Variants in RYR1 observed in about 807,000 individuals in gnomAD.
The protein encoded by RYR1 is central core disease of muscle.
In RYR1, 342 loss-of-function variants were observed where a neutral mutation model predicts 583.5. The ratio of observed to expected loss-of-function variants is 0.59; its 90% CI spans 0.54 to 0.64. The LOEUF is 0.64. RYR1 is among the 30% of genes least tolerant of loss of function. The pLI is 0.00. For synonymous variants in RYR1, 2,791 were observed against 2,822.5 expected (o/e 0.99, Z 0.35); for missense variants, 6,032 against 6,917.2 (o/e 0.87, Z 4.54).
intron 71 of RYR1, among the ~76,000 whole-genome samples, chr19:38,526,704 T>C (rs1445693966): frequency 6.6e-6 from 1 of 151,824 alleles, no homozygotes. Flanking sequence ...TCTTTGGCCA[T>C]ATTTGACCTT....
chr19:38,483,858 C>T lies in RYR1; in HGVS notation c.4934+342C>T, dbSNP rs1969142015. Among the ~76,000 whole-genome samples, 1 of 151,948 alleles carries T rather than the reference C, an allele frequency of 6.6e-6. No homozygotes were observed. The highest frequency in any genetic ancestry group is 6.6e-5 in the Admixed American group (1 of 15,256). On this transcript the variant is annotated intron_variant, in intron 33 of 105. Coordinates refer to ENST00000359596, the MANE Select transcript of RYR1 (RefSeq NM_000540.3). This position sits in a 1 kb window ranked among gnomAD's most constrained non-coding sequence, Gnocchi z 6.3. The stretch of plus-strand genomic sequence containing the variant: ...TCAACACCCCAGGGGGCCCCAAGTA[C>T]ACCCCAGGATCCCTGGACATGATTC...
chr19:38,562,063 C>T (rs1287353217), intron 90 of RYR1, among the ~76,000 whole-genome samples: 3 of 152,240 alleles, frequency 2.0e-5, no homozygotes, highest in African/African-American at 7.2e-5. Flanking sequence ...ACCTCTTGCA[C>T]ACACACCCTG....
At chr19:38,550,192 C>T (rs1165619472) in intron 89 of RYR1, among the ~76,000 whole-genome samples, 2 of 152,140 alleles carry the variant, frequency 1.3e-5, no homozygotes, top group African/African-American at 4.8e-5. Flanking sequence ...AGACCTTATT[C>T]AGTTTCCCTT....
chr19:38,495,944 G>A (rs879301471), intron 39 of RYR1, among the ~76,000 whole-genome samples: 6 of 152,128 alleles, frequency 3.9e-5, no homozygotes, highest in African/African-American at 7.2e-5. Flanking sequence ...TGTATTTTTA[G>A]TAGAAATGGG....
In RYR1 at chr19:38,502,726, A is replaced by C. The variant is rs1242518055; in HGVS notation, c.7834A>C (p.Arg2612=). ...CGAGGACTGCCTCATGTCGCTCTGC[A>C]GGTGGAGCGGGGCAGGCTTCAGGGT... ...VIEDCLMSLC[R]YIRPSMLQHL... The change falls in exon 48 of 106, where the codon AGG becomes CGG. Residue 2612 remains arginine, a splice_region_variant and synonymous_variant. Coordinates refer to ENST00000359596, the MANE Select transcript of RYR1 (RefSeq NM_000540.3). The C allele has an allele frequency of 4.0e-6, 5 of 1,234,994 alleles. No homozygotes were observed. Among genetic ancestry groups the C allele is most frequent in the Non-Finnish European group, 5.4e-6 (5 of 923,814 alleles). The allele number at this position is 1,234,994 out of a possible 1,614,324, so 76.5% of individuals were successfully genotyped here.
chr19:38,459,374 GA>G, intron 19 of RYR1, 36 bp downstream of exon 19: 1 of 1,600,460 alleles, frequency 6.2e-7, no homozygotes. Flanking sequence ...CCAGTCCTCA[GA>G]CCTAGGACTG....
chr19:38,576,549 C>T (rs1298034579), intron 97 of RYR1, among the ~76,000 whole-genome samples: 2 of 152,180 alleles, frequency 1.3e-5, no homozygotes, highest in African/African-American at 4.8e-5. Flanking sequence ...CAGTGGCACA[C>T]GCCTGTAATC....
chr19:38,489,640 G>GT (rs772903251), intron 35 of RYR1, among the ~76,000 whole-genome samples, 197 bp downstream of exon 35: 11 of 152,092 alleles, frequency 7.2e-5, no homozygotes, highest in South Asian at 4.1e-4. Flanking sequence ...TTTTTTGTTT[G>GT]TTTTTTGCGA....
chr19:38,580,382 G>T lies in RYR1; in HGVS notation c.14524G>T (p.Val4842Leu). The change falls in exon 101 of 106, where the codon GTG (valine) becomes TTG (leucine). Residue 4842 changes from valine to leucine, a missense_variant. Val to Leu is a conservative substitution (Grantham distance 32, BLOSUM62 1). Coordinates refer to ENST00000359596, the MANE Select transcript of RYR1 (RefSeq NM_000540.3). The part of the protein sequence containing the change: ...THNGKQLVMT[V>L]GLLAVVVYLY... ...ATCCTGCCCCCAGCTGGTGATGACC[G>T]TGGGCCTTCTGGCGGTGGTCGTCTA... 6.2e-7 allele frequency: 1 copy of T among 1,614,090 alleles called. No homozygotes were observed. The highest frequency in any genetic ancestry group is 8.5e-7 in the Non-Finnish European group (1 of 1,180,020).
intron 89 of RYR1, among the ~76,000 whole-genome samples, chr19:38,560,250 C>A (rs905337462): frequency 1.3e-5 from 2 of 152,104 alleles, no homozygotes; most frequent in African/African-American, 4.8e-5. Context: ...GTAGTCCTAG[C>A]TACTCAGGAG....
chr19:38,575,825 CAG>C, intron 96 of RYR1, 92 bp from the exon 97 acceptor site: 2 of 1,326,032 alleles, frequency 1.5e-6, no homozygotes, highest in East Asian at 2.3e-5. Context: ...AAAAGAAAAA[CAG>C]TGGAGTTTCA....
At chr19:38,449,611 G>A (rs1600659461) in intron 11 of RYR1, among the ~76,000 whole-genome samples, 1 of 152,222 alleles carries the variant, frequency 6.6e-6, no homozygotes, top group South Asian at 2.1e-4. Flanking sequence ...GAGCTGTAGC[G>A]ACCTGTTCCC....
Position 38,512,998 on chromosome 19 carries a change from A to G in RYR1, c.9472+515A>G, listed in dbSNP as rs985241716. On this transcript the variant is annotated intron_variant, in intron 63 of 105. Coordinates refer to ENST00000359596, the MANE Select transcript of RYR1 (RefSeq NM_000540.3). This position sits in a 1 kb window ranked among gnomAD's most constrained non-coding sequence, Gnocchi z 5.1. ...CTCTAAAATAAATAAATAATAAAAT[A>G]GGGTCCTTGATGTTAAAAAAGAGAG... Among the ~76,000 whole-genome samples, 4 of 152,010 alleles carry G rather than the reference A, an allele frequency of 2.6e-5. No homozygotes were observed. The highest frequency in any genetic ancestry group is 2.6e-4 in the Admixed American group (4 of 15,254).
Position 38,579,969 on chromosome 19 carries a change from TG to T in RYR1, c.14365-12del. On this transcript the variant is annotated splice_polypyrimidine_tract_variant and intron_variant, in intron 99 of 105. Coordinates refer to ENST00000359596, the MANE Select transcript of RYR1 (RefSeq NM_000540.3). ...CTGCCTTCCCCCTGACCCCTGGCCC[TG>T]TGTGCCCACAGTCCTTCCTGTACCT... 6.2e-7 allele frequency: 1 copy of T among 1,614,018 alleles called. No individual in the cohort carries two copies. Among genetic ancestry groups the T allele is most frequent in the Non-Finnish European group, 8.5e-7 (1 of 1,179,944 alleles).
chr19:38,505,747 C>T (rs1970413985), intron 53 of RYR1, 59 bp from the exon 54 acceptor site: 10 of 1,605,928 alleles, frequency 6.2e-6, no homozygotes, highest in Non-Finnish European at 8.5e-6. Flanking sequence ...CTTTGGGGTC[C>T]TTCCTCCACC....
At chr19:38,503,899 C>A (rs1181670789) in intron 49 of RYR1, among the ~76,000 whole-genome samples, 3 of 152,124 alleles carry the variant, frequency 2.0e-5, no homozygotes, top group Non-Finnish European at 2.9e-5. Context: ...ATTGCTGCAT[C>A]CATATGCCCA....
chr19:38,544,417 G>A (rs903043117), intron 87 of RYR1, among the ~76,000 whole-genome samples: 1 of 152,100 alleles, frequency 6.6e-6, no homozygotes, highest in African/African-American at 2.4e-5. Context: ...TAATCCATTT[G>A]CTCTGCTTCT....
intron 105 of RYR1, 56 bp from the exon 106 acceptor site, chr19:38,587,269 T>C: frequency 8.7e-7 from 1 of 1,143,044 alleles, no homozygotes; most frequent in Non-Finnish European, 1.3e-6. Flanking sequence ...TATATATATA[T>C]ATGTCTCAAG....
rs776504924 is a variant in RYR1, at chr19:38,512,403, A to G, written c.9392A>G (p.Tyr3131Cys). The G allele has an allele frequency of 5.6e-6, 9 of 1,613,790 alleles. No individual in the cohort carries two copies. Among genetic ancestry groups the G allele is most frequent in the Middle Eastern group, 3.3e-4 (2 of 6,084 alleles). Residue 3131 changes from tyrosine (Y) to cysteine (C), a missense_variant, in exon 63 of 106, where the codon TAC becomes TGC. This residue lies in a region of RYR1 where 1,493 missense variants were observed against 1,715.5 expected (regional missense o/e 0.87). Coordinates refer to ENST00000359596, the MANE Select transcript of RYR1 (RefSeq NM_000540.3). The surrounding 1 kb of genome is among the most constrained non-coding windows in gnomAD (Gnocchi z 5.1). ...AAAGGCGTGGGCCAGAACCTCACCT[A>G]CACCACTGTGGCACTGCTGCCGGTC... ...QVKGVGQNLT[Y>C]TTVALLPVLT...
Sources: allele counts gnomAD v4.1 joint callset (sites outside exome capture counted in the v4.1 genomes callset), GRCh38; gene constraint gnomAD v4.1.1; regional missense constraint gnomAD v4.1.1; non-coding constraint Gnocchi (gnomAD v3.1); transcripts MANE v1.5; gene names NCBI Gene and HGNC (gene_info 2026-07-23, HGNC 2026-07-21).